The following SLC2A13 variants were observed in gnomAD, a reference collection of about 807,000 sequenced individuals.
SLC2A13 encodes the protein solute carrier family 2 member 13.
In SLC2A13, 32 loss-of-function variants were observed where a neutral mutation model predicts 64.4. That is an observed-to-expected ratio of 0.50 (90% confidence interval 0.37 to 0.67). The LOEUF (loss-of-function observed/expected upper bound fraction) is 0.67, where lower values mean the gene tolerates loss of function less well. Among genes scored for constraint, SLC2A13 ranks in the 30% least tolerant of loss-of-function variants. SLC2A13 has a pLI of 0.00. For synonymous variants in SLC2A13, 338 were observed against 327.1 expected, an observed-to-expected ratio of 1.03 and a Z score of -0.36; for missense variants, 743 against 829.2, an observed-to-expected ratio of 0.90 and a Z score of 1.28.
chr12:39,808,708 T>C (rs1942053777), intron 7 of SLC2A13, among the ~76,000 whole-genome samples: 1 of 152,190 alleles, frequency 6.6e-6, no homozygotes, highest in African/African-American at 2.4e-5. Context: ...TATGTGCTTA[T>C]TTGCCATCTT....
chr12:39,964,115 T>C (rs1273605383), intron 3 of SLC2A13, among the ~76,000 whole-genome samples: 1 of 152,170 alleles, frequency 6.6e-6, no homozygotes, highest in Non-Finnish European at 1.5e-5. Context: ...ATCATAATTA[T>C]TCCAAAAATA....
At chr12:40,066,376 G>A (rs1457766631) in intron 1 of SLC2A13, among the ~76,000 whole-genome samples, 1 of 152,144 alleles carries the variant, frequency 6.6e-6, no homozygotes, top group African/African-American at 2.4e-5. Context: ...GTACATCAAT[G>A]TCTGGTCAGA....
chr12:40,048,587 C>T (rs1948204413), intron 1 of SLC2A13, among the ~76,000 whole-genome samples: 2 of 151,932 alleles, frequency 1.3e-5, no homozygotes, highest in Non-Finnish European at 2.9e-5. Flanking sequence ...TGTAATCAGA[C>T]AATAGTGAGA....
At chr12:39,974,199 A>G (rs972880719) in intron 3 of SLC2A13, among the ~76,000 whole-genome samples, 1 of 152,222 alleles carries the variant, frequency 6.6e-6, no homozygotes, top group Non-Finnish European at 1.5e-5. Flanking sequence ...TTACAGATGA[A>G]GTTTATGCAG....
chr12:40,096,905 CATT>C (rs1210712033), intron 1 of SLC2A13, among the ~76,000 whole-genome samples: 1 of 152,094 alleles, frequency 6.6e-6, no homozygotes, highest in East Asian at 1.9e-4. Context: ...ATTTACGAAA[CATT>C]ATAGTGACCA....
At chr12:39,945,842 A>AT (rs1253929437) in intron 4 of SLC2A13, among the ~76,000 whole-genome samples, 2 of 150,190 alleles carry the variant, frequency 1.3e-5, no homozygotes, top group Admixed American at 6.7e-5. Flanking sequence ...CTCCTGAATT[A>AT]TTTTTCAGGT....
chr12:40,035,473 T>G (rs1276037938), intron 2 of SLC2A13, among the ~76,000 whole-genome samples: 2 of 152,170 alleles, frequency 1.3e-5, no homozygotes, highest in Non-Finnish European at 2.9e-5. Context: ...AAGTTACTTT[T>G]CCTCTGCCAC....
At chr12:40,083,487 TC>T (rs1241837924) in intron 1 of SLC2A13, among the ~76,000 whole-genome samples, 1 of 152,212 alleles carries the variant, frequency 6.6e-6, no homozygotes, top group African/African-American at 2.4e-5. Flanking sequence ...CTTTTCTATT[TC>T]CTTTGTACAG....
At chr12:40,000,696 A>T (rs1947308699) in intron 3 of SLC2A13, among the ~76,000 whole-genome samples, 1 of 152,212 alleles carries the variant, frequency 6.6e-6, no homozygotes, top group Admixed American at 6.5e-5. Context: ...CTGTGTGTGC[A>T]AATCCCTGGT....
chr12:39,782,803 T>C (rs1941042948), intron 7 of SLC2A13, among the ~76,000 whole-genome samples: 1 of 152,198 alleles, frequency 6.6e-6, no homozygotes, highest in African/African-American at 2.4e-5. Flanking sequence ...AGGTCCAGGC[T>C]GAGGTGGTCT....
At chr12:40,026,884 A>G (rs1308017233) in intron 3 of SLC2A13, among the ~76,000 whole-genome samples, 1 of 152,222 alleles carries the variant, frequency 6.6e-6, no homozygotes, top group Non-Finnish European at 1.5e-5. Flanking sequence ...GTTCAAGACC[A>G]GCCTGGCCAA....
At chr12:40,084,023 AAGT>A (rs1938507079) in intron 1 of SLC2A13, among the ~76,000 whole-genome samples, 1 of 152,224 alleles carries the variant, frequency 6.6e-6, no homozygotes, top group Non-Finnish European at 1.5e-5. Context: ...GTACCAATAC[AAGT>A]ATAGATTTGG....
intron 7 of SLC2A13, among the ~76,000 whole-genome samples, chr12:39,780,221 T>C (rs1940933434): frequency 6.6e-6 from 1 of 152,222 alleles, no homozygotes; most frequent in Admixed American, 6.5e-5. Flanking sequence ...TTTTTAAATA[T>C]AGTGACTTCC....
chr12:39,928,772 G>T (rs1945772529), intron 4 of SLC2A13, among the ~76,000 whole-genome samples: 1 of 152,196 alleles, frequency 6.6e-6, no homozygotes. Flanking sequence ...GACAAGTGGT[G>T]ACTGGCTTAA....
chr12:39,916,741 C>T (rs527300658), intron 4 of SLC2A13, among the ~76,000 whole-genome samples: 2 of 152,166 alleles, frequency 1.3e-5, no homozygotes, highest in African/African-American at 4.8e-5. Context: ...ATTTAGAAGT[C>T]CTTGTGTTTA....
chr12:39,922,643 C>CT (rs1363383335), intron 4 of SLC2A13, among the ~76,000 whole-genome samples: 1 of 152,160 alleles, frequency 6.6e-6, no homozygotes, highest in East Asian at 1.9e-4. Flanking sequence ...AATACAATGA[C>CT]TTTTTGTGTG....
chr12:39,900,140 AC>A (rs1227280405), intron 4 of SLC2A13, among the ~76,000 whole-genome samples: 4 of 130,564 alleles, frequency 3.1e-5, no homozygotes, highest in Non-Finnish European at 6.7e-5. Context: ...AAATTCAACA[AC>A]CCTTCAGGCT....
intron 1 of SLC2A13, among the ~76,000 whole-genome samples, chr12:40,071,683 T>C (rs377608509): frequency 6.6e-6 from 1 of 152,172 alleles, no homozygotes; most frequent in South Asian, 2.1e-4. Flanking sequence ...TTTCAGGGAA[T>C]TGGTCCATTT....
In SLC2A13 at chr12:39,978,804, A is replaced by T. The variant is rs1946822133; in HGVS notation, c.926-27439T>A. Among the ~76,000 whole-genome samples, 3 of 152,050 alleles carry T rather than the reference A, an allele frequency of 2.0e-5. No individual in the cohort carries two copies. In the South Asian group the frequency reaches 6.2e-4, roughly 32 times the overall value. On this transcript the variant is annotated intron_variant, in intron 3 of 9. Coordinates refer to ENST00000280871, the MANE Select transcript of SLC2A13 (RefSeq NM_052885.4). ...TAAACAAAGCAGCCTGGAAGCTCGA[A>T]CTGGGTGGAGCCCACCACAGCTCAA...
Sources: gnomAD v4.1 joint callset for allele counts (sites outside exome capture counted in the v4.1 genomes callset) on GRCh38, gnomAD v4.1.1 for gene constraint, MANE v1.5 for transcripts, NCBI Gene and HGNC (gene_info 2026-07-23, HGNC 2026-07-21) for gene names.